Variants in PHF13 observed in about 807,000 individuals in gnomAD.
PHF13 encodes PHD finger protein 13.
In PHF13, 1 loss-of-function variant was observed where a neutral mutation model predicts 25.8. The ratio of observed to expected loss-of-function variants is 0.04; its 90% CI spans 0.01 to 0.18. The LOEUF (loss-of-function observed/expected upper bound fraction) is 0.18, where lower values mean the gene tolerates loss of function less well. PHF13 is among the 10% of genes least tolerant of loss of function. PHF13 has a pLI of 1.00. For missense variants in PHF13, 306 were observed against 403.2 expected, an observed-to-expected ratio of 0.76 and a Z score of 2.06; for synonymous variants, 195 against 162.4, an observed-to-expected ratio of 1.20 and a Z score of -1.53.
chr1:6,623,916 A>C lies in PHF13; in HGVS notation c.*2279A>C, dbSNP rs1641390068. The C allele has an allele frequency of 6.6e-6, 1 of 152,666 alleles. No individual in the cohort carries two copies. Among genetic ancestry groups the C allele is most frequent in the African/African-American group, 2.4e-5 (1 of 41,464 alleles). 9.5% of individuals were successfully genotyped at this position (152,666 alleles called of 1,614,324 possible). On this transcript the variant is annotated 3_prime_UTR_variant, in exon 4 of 4. Transcript: ENST00000377648. ...GTTTACATGGTTCTGTGTAATTTTAAAGTTTATGTGTATAAAGCGAAGCTG... is the reference window on the plus strand; with the variant it reads ...GTTTACATGGTTCTGTGTAATTTTACAGTTTATGTGTATAAAGCGAAGCTG...
intron 1 of PHF13, chr1:6,614,442 C>T (rs910732923): frequency 1.3e-5 from 4 of 310,268 alleles, no homozygotes; most frequent in East Asian, 7.4e-5. Context: ...CCCCGCCGGC[C>T]TGCTTACTCT....
chr1:6,618,959 TC>T (rs1319893863), intron 2 of PHF13, among the ~76,000 whole-genome samples: 1 of 152,162 alleles, frequency 6.6e-6, no homozygotes, highest in Non-Finnish European at 1.5e-5. Flanking sequence ...ATGCCTGTTT[TC>T]TAGCAAGACA....
chr1:6,617,414 T>TA (rs545689764), intron 2 of PHF13, among the ~76,000 whole-genome samples: 3 of 150,676 alleles, frequency 2.0e-5, no homozygotes, highest in Non-Finnish European at 4.4e-5. Context: ...TATTTACAAA[T>TA]AAAATATGTG....
In PHF13 at chr1:6,622,921, G is replaced by T. The variant is rs902636561; in HGVS notation, c.*1284G>T. On this transcript the variant is annotated 3_prime_UTR_variant, in exon 4 of 4. Transcript: ENST00000377648. Reference sequence around the variant, plus strand: ...TAGTTCTGGGGCTGGGAGGGAGAGGGGCTCCGGCTTTCTCTGAAATGAACA... The same window carrying T: ...TAGTTCTGGGGCTGGGAGGGAGAGGTGCTCCGGCTTTCTCTGAAATGAACA... The T allele has an allele frequency of 3.3e-5, 5 of 152,214 alleles. No individual in the cohort carries two copies. Among genetic ancestry groups the T allele is most frequent in the African/African-American group, 1.2e-4 (5 of 41,436 alleles). The allele number at this position is 152,214 out of a possible 1,614,324, so 9.4% of individuals were successfully genotyped here.
chr1:6,616,025 ATTTTTTTTTT>A lies in PHF13; in HGVS notation c.40-720_40-711del, dbSNP rs5772244. ...GAGAGCTCTGGAGAATGAGTGGTTG[ATTTTTTTTTT>A]TTTTTTTTTTTGAGTTGGAATCTTA... On this transcript the variant is annotated intron_variant, in intron 1 of 3. Coordinates refer to ENST00000377648, the MANE Select transcript of PHF13 (RefSeq NM_153812.3). Among the ~76,000 whole-genome samples the A allele has an allele frequency of 6.5e-5, 6 of 91,772 alleles. No homozygotes were observed. The South Asian group carries it at 2.7e-3, about 41-fold the overall frequency. 60.2% of individuals were successfully genotyped at this position (91,772 alleles called of 152,430 possible).
intron 1 of PHF13, chr1:6,614,427 C>T (rs867167383): frequency 2.6e-5 from 9 of 344,082 alleles, no homozygotes; most frequent in African/African-American, 1.3e-4. Flanking sequence ...GCGCCCCCAG[C>T]CCCTCCCCGC....
chr1:6,620,389 A>T (rs1325476617), intron 3 of PHF13, 52 bp downstream of exon 3: 8 of 1,544,186 alleles, frequency 5.2e-6, no homozygotes. Flanking sequence ...GTTAGAAGAG[A>T]GGTTATTTTA....
chr1:6,615,686 A>G (rs1162862867), intron 1 of PHF13, among the ~76,000 whole-genome samples: 1 of 152,204 alleles, frequency 6.6e-6, no homozygotes, highest in Non-Finnish European at 1.5e-5. Flanking sequence ...AATACGGCAC[A>G]CTTGTTTTGC....
rs118130369 is a variant in PHF13, at chr1:6,616,825, G to A, written c.108G>A (p.Leu36=). The A allele has an allele frequency of 1.5e-5, 24 of 1,614,112 alleles. No homozygotes were observed. In the East Asian group the frequency reaches 5.1e-4, roughly 34 times the overall value. ...TCAACAAATTCTGCACCTTTGTCTT[G>A]GCCTATGCTGGCTACATCCCTTATC... ...EDFNKFCTFV[L]AYAGYIPYPK... The change falls in exon 2 of 4, where the codon TTG becomes TTA. Residue 36 remains leucine, a synonymous_variant. Coordinates refer to ENST00000377648, the MANE Select transcript of PHF13 (RefSeq NM_153812.3).
Position 6,621,750 on chromosome 1 carries a change from C to A in PHF13, c.*113C>A. The A allele has an allele frequency of 9.6e-7, 1 of 1,041,266 alleles. No individual in the cohort carries two copies. Among genetic ancestry groups the A allele is most frequent in the Non-Finnish European group, 1.4e-6 (1 of 702,770 alleles). The allele number at this position is 1,041,266 out of a possible 1,614,324, so 64.5% of individuals were successfully genotyped here. A position where few individuals can be genotyped will look rare whatever the true frequency, so the allele number is the denominator to read the frequency against. On this transcript the variant is annotated 3_prime_UTR_variant, in exon 4 of 4. Coordinates refer to ENST00000377648, the MANE Select transcript of PHF13 (RefSeq NM_153812.3). The surrounding 1 kb of genome is among the most constrained non-coding windows in gnomAD (Gnocchi z 4.8). Reference sequence around the variant, plus strand: ...AGCTCTGGTGCGGGCAGATCCCTGCCATTTAGGTGCCTAAGCAAAAGGACA... The same window carrying A: ...AGCTCTGGTGCGGGCAGATCCCTGCAATTTAGGTGCCTAAGCAAAAGGACA...
At position 6,623,337 on chromosome 1, in the gene PHF13, C is replaced by A. The variant is rs935392645; in HGVS notation, c.*1700C>A. 6.6e-6 allele frequency: 1 copy of A among 152,538 alleles called. No homozygotes were observed. The highest frequency in any genetic ancestry group is 2.4e-5 in the African/African-American group (1 of 41,416). The allele number at this position is 152,538 out of a possible 1,614,324, so 9.4% of individuals were successfully genotyped here. ...GAAGCCAGTTTATTGTGAAGATCCCCAAGGGGGAGGTTCGGTAGAGAAAAA... is the reference window on the plus strand; with the variant it reads ...GAAGCCAGTTTATTGTGAAGATCCCAAAGGGGGAGGTTCGGTAGAGAAAAA... On this transcript the variant is annotated 3_prime_UTR_variant, in exon 4 of 4. Transcript: ENST00000377648.
chr1:6,616,237 C>T (rs912271346), intron 1 of PHF13, among the ~76,000 whole-genome samples: 6 of 151,994 alleles, frequency 3.9e-5, no homozygotes, highest in African/African-American at 1.4e-4. Flanking sequence ...CCATGTTGGT[C>T]AGGCTGGTCT....
Position 6,614,007 on chromosome 1 carries a change from C to T in PHF13, c.-60C>T, listed in dbSNP as rs548131809. 6.4e-5 allele frequency: 90 copies of T among 1,409,432 alleles called. 1 individual carries two copies. The South Asian group carries it at 1.0e-3, about 16-fold the overall frequency. The allele number at this position is 1,409,432 out of a possible 1,614,324, so 87.3% of individuals were successfully genotyped here. A position where few individuals can be genotyped will look rare whatever the true frequency, so the allele number is the denominator to read the frequency against. ...CGCCCGAGCCCCCAGCCCCGGGCGG[C>T]CCCGCTCCAGCATCCCAGCTCCTGC... On this transcript the variant is annotated 5_prime_UTR_variant, in exon 1 of 4. Transcript: ENST00000377648.
chr1:6,615,040 C>G lies in PHF13; in HGVS notation c.39+935C>G, dbSNP rs868570216. Among the ~76,000 whole-genome samples, 6 of 151,122 alleles carry G rather than the reference C, an allele frequency of 4.0e-5. No homozygotes were observed. The South Asian group carries it at 1.2e-3, about 31-fold the overall frequency. On this transcript the variant is annotated intron_variant, in intron 1 of 3. Coordinates refer to ENST00000377648, the MANE Select transcript of PHF13 (RefSeq NM_153812.3). ...TCACACATACTCGCGGGATGGGCCC[C>G]GCACCTTCGGGGGCCGAGTGTCGCG...
At chr1:6,614,775 C>T (rs972265580) in intron 1 of PHF13, among the ~76,000 whole-genome samples, 8 of 149,486 alleles carry the variant, frequency 5.4e-5, no homozygotes, top group East Asian at 2.0e-4. Context: ...GCTTTGCTGG[C>T]TCCGCCCCGG....
intron 1 of PHF13, 96 bp from the exon 2 acceptor site, chr1:6,616,661 T>G: frequency 4.0e-6 from 4 of 1,000,994 alleles, no homozygotes; most frequent in South Asian, 1.3e-5. Context: ...TTTTGAGTGA[T>G]TGACTACAAA....
chr1:6,616,157 T>C (rs1024817806), intron 1 of PHF13, among the ~76,000 whole-genome samples: 2 of 150,898 alleles, frequency 1.3e-5, no homozygotes, highest in Non-Finnish European at 2.9e-5. Flanking sequence ...GCCTCCTGAG[T>C]AGTTGGGACT....
chr1:6,617,421 T>A (rs939803894), intron 2 of PHF13, among the ~76,000 whole-genome samples: 1 of 151,438 alleles, frequency 6.6e-6, no homozygotes, highest in African/African-American at 2.4e-5. Flanking sequence ...AAATAAAATA[T>A]GTGATATTTG....
intron 1 of PHF13, among the ~76,000 whole-genome samples, chr1:6,614,782 C>G (rs973560166): frequency 6.6e-6 from 1 of 151,430 alleles, no homozygotes; most frequent in Admixed American, 6.6e-5. Context: ...TGGCTCCGCC[C>G]CGGCTCACTC....
Sources: allele counts gnomAD v4.1 joint callset (sites outside exome capture counted in the v4.1 genomes callset), GRCh38; gene constraint gnomAD v4.1.1; non-coding constraint Gnocchi (gnomAD v3.1); transcripts MANE v1.5; gene names NCBI Gene and HGNC (gene_info 2026-07-23, HGNC 2026-07-21).